The following ELP3 variants were observed in gnomAD, a reference collection of about 807,000 sequenced individuals.
ELP3 encodes elongator complex protein 3.
Under a neutral mutation model 74.9 loss-of-function variants are expected in ELP3, and 56 were observed. That is an observed-to-expected ratio of 0.75 (90% CI 0.60 to 0.93). The LOEUF is 0.93. Among genes scored for constraint, ELP3 ranks in the 40% least tolerant of loss-of-function variants. The pLI, the probability that ELP3 is intolerant of heterozygous loss-of-function variation, is 0.00. For missense variants in ELP3, 573 were observed against 686.5 expected (o/e 0.83, Z 1.85); for synonymous variants, 222 against 239.8 (o/e 0.93, Z 0.68).
At chr8:28,178,317 T>A (rs139101566) in intron 14 of ELP3, among the ~76,000 whole-genome samples, 1 of 152,226 alleles carries the variant, frequency 6.6e-6, no homozygotes. Flanking sequence ...CCCCCACTTA[T>A]GTCAATAACC....
At chr8:28,093,499 A>G (rs1005676572) in intron 1 of ELP3, 1 of 558,698 alleles carries the variant, frequency 1.8e-6, no homozygotes, top group Non-Finnish European at 3.2e-6. Context: ...ATTCCAATAT[A>G]TGCCCTCCGA....
chr8:28,095,392 G>A (rs556868366), intron 1 of ELP3, among the ~76,000 whole-genome samples: 10 of 152,244 alleles, frequency 6.6e-5, no homozygotes, highest in African/African-American at 2.4e-4. Flanking sequence ...CTGCTGTGGT[G>A]GAAATAAAGA....
intron 14 of ELP3, among the ~76,000 whole-genome samples, chr8:28,180,041 G>A (rs1380784979): frequency 6.6e-6 from 1 of 152,082 alleles, no homozygotes. Context: ...TGGTTTTTTA[G>A]AAAATATATT....
rs1815436709 is a variant in ELP3 at position 28,190,869 on chromosome 8, T to G, written c.*1144T>G. 1 of 152,214 alleles carries G rather than the reference T, an allele frequency of 6.6e-6. No individual in the cohort carries two copies. Among genetic ancestry groups the G allele is most frequent in the African/African-American group, 2.4e-5 (1 of 41,462 alleles). The allele number at this position is 152,214 out of a possible 1,614,324, so 9.4% of individuals were successfully genotyped here. On this transcript the variant is annotated 3_prime_UTR_variant, in exon 15 of 15. Transcript: ENST00000256398. ...CCACCGCTCCCAGCCTTTGATTTTTTAAGGTGGATTTTGGTTGTTATAAAT... is the reference window on the plus strand; with the variant it reads ...CCACCGCTCCCAGCCTTTGATTTTTGAAGGTGGATTTTGGTTGTTATAAAT...
Position 28,106,852 on chromosome 8 carries a change from TAGTC to T in ELP3, c.329+73_329+76del, listed in dbSNP as rs1365922369. 2.6e-6 allele frequency: 3 copies of T among 1,143,134 alleles called. No individual in the cohort carries two copies. The East Asian group carries it at 7.1e-5, about 27-fold the overall frequency. 70.8% of individuals were successfully genotyped at this position (1,143,134 alleles called of 1,614,324 possible). On this transcript the variant is annotated intron_variant, in intron 4 of 14. Transcript: ENST00000256398. ...AGCTAAATATGCCCCCTCTAGCCCT[TAGTC>T]AGTACATCCTGGTAATGTTTAAAAC... is the stretch of plus-strand genomic sequence containing the variant.
upstream of ELP3, chr8:28,092,978 C>T (rs543669842): frequency 1.5e-6 from 1 of 661,526 alleles, no homozygotes; most frequent in African/African-American, 1.8e-5. Context: ...CATCCTCCAT[C>T]CCTGAGACCC....
rs1235796195 is a variant in ELP3, at chr8:28,189,643, C to T, written c.1568-6C>T. The T allele has an allele frequency of 6.2e-7, 1 of 1,614,004 alleles. No individual in the cohort carries two copies. The highest frequency in any genetic ancestry group is 8.5e-7 in the Non-Finnish European group (1 of 1,179,914). On this transcript the variant is annotated splice_polypyrimidine_tract_variant and splice_region_variant and intron_variant, in intron 14 of 14. Coordinates refer to ENST00000256398, the MANE Select transcript of ELP3 (RefSeq NM_018091.6). ...TGCTCCTTTTTTAACTTCGATTTTT[C>T]TGCAGGGGTCGGCACCAGGAATTAT...
chr8:28,112,355 A>G (rs1410226176), intron 6 of ELP3: 1 of 152,046 alleles, frequency 6.6e-6, no homozygotes, highest in Non-Finnish European at 1.5e-5. Context: ...CTGGTCTCGA[A>G]CTCCTGACCT....
At chr8:28,164,593 T>C (rs895369572) in intron 14 of ELP3, among the ~76,000 whole-genome samples, 2 of 152,034 alleles carry the variant, frequency 1.3e-5, no homozygotes, top group Non-Finnish European at 2.9e-5. Context: ...CCACCATTGC[T>C]CTCTATAGGG....
chr8:28,153,889 C>G (rs866370633), intron 10 of ELP3, among the ~76,000 whole-genome samples: 5 of 152,122 alleles, frequency 3.3e-5, no homozygotes, highest in African/African-American at 1.2e-4. Flanking sequence ...TACAGTCATC[C>G]TTCAACCCAC....
chr8:28,121,743 A>C (rs1171307441), intron 7 of ELP3, among the ~76,000 whole-genome samples: 5 of 152,198 alleles, frequency 3.3e-5, no homozygotes, highest in African/African-American at 1.2e-4. Context: ...TATTTTTGTA[A>C]ATCCTTTAAT....
At chr8:28,099,478 G>A (rs1811387384) in intron 2 of ELP3, among the ~76,000 whole-genome samples, 2 of 152,184 alleles carry the variant, frequency 1.3e-5, no homozygotes, top group South Asian at 4.1e-4. Context: ...AAAGAACTGT[G>A]TGGTCCCAAA....
Position 28,100,973 on chromosome 8 carries a change from G to A in ELP3, c.258+1007G>A, listed in dbSNP as rs573402767. 1.1e-4 allele frequency among the ~76,000 whole-genome samples: 16 copies of A among 152,312 alleles called. No individual in the cohort carries two copies. In the Middle Eastern group the frequency reaches 0.01, roughly 97 times the overall value. ...TGGGATATTATATTCCAGGCAGCTT[G>A]TGTTGACTTGGTGACCATATCTCCT... On this transcript the variant is annotated intron_variant, in intron 3 of 14. Coordinates refer to ENST00000256398, the MANE Select transcript of ELP3 (RefSeq NM_018091.6).
intron 3 of ELP3, among the ~76,000 whole-genome samples, chr8:28,104,008 C>T (rs1212657657): frequency 6.6e-6 from 1 of 152,210 alleles, no homozygotes; most frequent in African/African-American, 2.4e-5. Context: ...TGATTATAGG[C>T]GTGAGCTATG....
intron 14 of ELP3, among the ~76,000 whole-genome samples, chr8:28,168,533 G>T (rs1814398108): frequency 6.6e-6 from 1 of 152,092 alleles, no homozygotes; most frequent in Non-Finnish European, 1.5e-5. Flanking sequence ...GGAGGAATAG[G>T]GTTATATCAT....
In ELP3 at chr8:28,156,049, C is replaced by T. The variant is rs748769151; in HGVS notation, c.1191+17C>T. On this transcript the variant is annotated intron_variant, in intron 11 of 14. Coordinates refer to ENST00000256398, the MANE Select transcript of ELP3 (RefSeq NM_018091.6). ...GGAATACAGGTAAGAGCAAATATGG[C>T]GGTCAGGCCACAACTGTTGAGAAAA... 42 of 1,597,084 alleles carry T rather than the reference C, an allele frequency of 2.6e-5. 1 individual carries two copies. The highest frequency in any genetic ancestry group is 1.7e-4 in the Middle Eastern group (1 of 6,036).
intron 9 of ELP3, among the ~76,000 whole-genome samples, chr8:28,136,556 A>G (rs954358130): frequency 6.6e-6 from 1 of 152,252 alleles, no homozygotes; most frequent in African/African-American, 2.4e-5. Context: ...CAGGAAAATC[A>G]CACAATTACA....
At chr8:28,128,007 T>G (rs1193310285) in intron 7 of ELP3, among the ~76,000 whole-genome samples, 1 of 152,194 alleles carries the variant, frequency 6.6e-6, no homozygotes, top group Admixed American at 6.5e-5. Flanking sequence ...ATGGAATTAG[T>G]TACAAAAATT....
chr8:28,102,398 C>T (rs1023203453), intron 3 of ELP3, among the ~76,000 whole-genome samples: 1 of 152,164 alleles, frequency 6.6e-6, no homozygotes, highest in Non-Finnish European at 1.5e-5. Context: ...AATGCTTTGG[C>T]CTTTATTATT....
Sources: allele counts gnomAD v4.1 joint callset (sites outside exome capture counted in the v4.1 genomes callset), GRCh38; gene constraint gnomAD v4.1.1; transcripts MANE v1.5; gene names NCBI Gene and HGNC (gene_info 2026-07-23, HGNC 2026-07-21).